Variants in DNAJC1 observed in about 807,000 individuals in gnomAD.
The protein encoded by DNAJC1 is dnaJ homolog subfamily C member 1.
Under a neutral mutation model 76.6 loss-of-function variants are expected in DNAJC1, and 58 were observed. The ratio of observed to expected loss-of-function variants is 0.76; its 90% CI spans 0.61 to 0.94. The LOEUF is 0.94. DNAJC1 is among the 40% of genes least tolerant of loss of function. The pLI, the probability that DNAJC1 is intolerant of heterozygous loss-of-function variation, is 0.00. For synonymous variants in DNAJC1, 258 were observed against 267.9 expected (o/e 0.96, Z 0.36); for missense variants, 689 against 677.3 (o/e 1.02, Z -0.19).
At chr10:21,771,065 T>A (rs1367123993) in intron 9 of DNAJC1, among the ~76,000 whole-genome samples, 1 of 152,202 alleles carries the variant, frequency 6.6e-6, no homozygotes, top group Non-Finnish European at 1.5e-5. Context: ...GATGCAATTA[T>A]GAATGTCATT....
At chr10:21,775,234 A>G (rs1834438995) in intron 9 of DNAJC1, among the ~76,000 whole-genome samples, 1 of 151,862 alleles carries the variant, frequency 6.6e-6, no homozygotes, top group African/African-American at 2.4e-5. Context: ...CGATTTTCCA[A>G]TTCTGTGTGG....
Position 22,003,549 on chromosome 10 carries a change from C to A in DNAJC1, c.-115G>T. On this transcript the variant is annotated 5_prime_UTR_variant, in exon 1 of 12. Coordinates refer to ENST00000376980, the MANE Select transcript of DNAJC1 (RefSeq NM_022365.4). ...CCTGTCAGTGAAAAGCGCGGGCAGG[C>A]GCACCGGAGCGGCCCGCCAGGTGGC... is the stretch of plus-strand genomic sequence containing the variant. The A allele has an allele frequency of 1.7e-6, 2 of 1,210,612 alleles. No individual in the cohort carries two copies. Among genetic ancestry groups the A allele is most frequent in the South Asian group, 3.0e-5 (1 of 33,086 alleles). The allele number at this position is 1,210,612 out of a possible 1,614,324, so 75.0% of individuals were successfully genotyped here. A position where few individuals can be genotyped will look rare whatever the true frequency, so the allele number is the denominator to read the frequency against.
intron 6 of DNAJC1, among the ~76,000 whole-genome samples, chr10:21,911,464 AAG>A (rs1260463055): frequency 1.3e-5 from 2 of 152,178 alleles, no homozygotes; most frequent in East Asian, 1.9e-4. Context: ...ACATTTTGAT[AAG>A]AGTCAAAATT....
intron 8 of DNAJC1, among the ~76,000 whole-genome samples, chr10:21,872,201 G>A (rs1836116075): frequency 6.6e-6 from 1 of 150,852 alleles, no homozygotes; most frequent in African/African-American, 2.5e-5. Context: ...AAGCTCTCAA[G>A]TAGCTGGGAT....
At chr10:21,931,456 G>A (rs1380018898) in intron 1 of DNAJC1, among the ~76,000 whole-genome samples, 1 of 152,148 alleles carries the variant, frequency 6.6e-6, no homozygotes, top group Non-Finnish European at 1.5e-5. Context: ...TAGATAAGTT[G>A]TACTTCAAAC....
At chr10:21,820,911 C>A (rs964874169) in intron 8 of DNAJC1, among the ~76,000 whole-genome samples, 1 of 152,206 alleles carries the variant, frequency 6.6e-6, no homozygotes, top group African/African-American at 2.4e-5. Context: ...GGGCACGCCA[C>A]CCTCCAGGAA....
chr10:21,914,539 T>TTAAC (rs1385192153), intron 6 of DNAJC1, among the ~76,000 whole-genome samples: 26 of 152,322 alleles, frequency 1.7e-4, no homozygotes, highest in African/African-American at 6.0e-4. Flanking sequence ...GTCTTATCAG[T>TTAAC]TAACTTTATT....
At chr10:21,825,257 T>G (rs1237703317) in intron 8 of DNAJC1, among the ~76,000 whole-genome samples, 1 of 152,240 alleles carries the variant, frequency 6.6e-6, no homozygotes, top group African/African-American at 2.4e-5. Flanking sequence ...ATATTTGCAT[T>G]GTGTCTCTAC....
At position 21,954,167 on chromosome 10, in the gene DNAJC1, G is replaced by A. The variant is rs189751301; in HGVS notation, c.223-25026C>T. Among the ~76,000 whole-genome samples the A allele has an allele frequency of 9.5e-4, 144 of 152,018 alleles. No individual in the cohort carries two copies. The Middle Eastern group carries it at 0.01, about 11-fold the overall frequency. ...CGATGAGAAACACAAATACTTACTC[G>A]GGATTAATGAATTTTACAGTACACT... On this transcript the variant is annotated intron_variant, in intron 1 of 11. Transcript: ENST00000376980.
Position 21,968,408 on chromosome 10 carries a change from T to C in DNAJC1, c.222+34805A>G, listed in dbSNP as rs184330391. Among the ~76,000 whole-genome samples, 589 of 152,310 alleles carry C rather than the reference T, an allele frequency of 3.9e-3. 1 individual carries two copies. The highest frequency in any genetic ancestry group is 5.9e-3 in the Admixed American group (90 of 15,300). ...CCTTATGTTACCCAAGATCGTAAAA[T>C]TGGTATTACGGCAACCCAACTTTGA... On this transcript the variant is annotated intron_variant, in intron 1 of 11. Transcript: ENST00000376980.
chr10:21,769,803 C>G (rs1486127050), intron 9 of DNAJC1, among the ~76,000 whole-genome samples: 1 of 152,158 alleles, frequency 6.6e-6, no homozygotes, highest in Non-Finnish European at 1.5e-5. Context: ...TCTCCTGCCT[C>G]AGCCTCCTGA....
intron 9 of DNAJC1, among the ~76,000 whole-genome samples, chr10:21,788,931 G>C (rs889246408): frequency 1.3e-5 from 2 of 152,104 alleles, no homozygotes; most frequent in East Asian, 1.9e-4. Flanking sequence ...CCAGCACTAA[G>C]AGCAACCTAC....
chr10:21,975,315 CAATAAATA>C (rs944741041), intron 1 of DNAJC1, among the ~76,000 whole-genome samples: 3 of 151,098 alleles, frequency 2.0e-5, no homozygotes, highest in African/African-American at 7.3e-5. Context: ...AAATAAGCTG[CAATAAATA>C]AATAAATAAA....
At chr10:21,777,392 G>C (rs1834465728) in intron 9 of DNAJC1, among the ~76,000 whole-genome samples, 1 of 152,146 alleles carries the variant, frequency 6.6e-6, no homozygotes, top group South Asian at 2.1e-4. Flanking sequence ...CACTAAAGAA[G>C]ATGAAAAAGT....
intron 6 of DNAJC1, among the ~76,000 whole-genome samples, chr10:21,907,505 A>C (rs1399890757): frequency 6.6e-6 from 1 of 152,168 alleles, no homozygotes; most frequent in Non-Finnish European, 1.5e-5. Context: ...GAAAGACTTT[A>C]AAAGGAAAGT....
At chr10:21,998,114 G>A (rs1429228209) in intron 1 of DNAJC1, among the ~76,000 whole-genome samples, 2 of 152,042 alleles carry the variant, frequency 1.3e-5, no homozygotes. Flanking sequence ...ATAGAGGCTG[G>A]GCGCAGTGGT....
At chr10:21,763,059 T>A (rs2131616948) in intron 10 of DNAJC1, among the ~76,000 whole-genome samples, 1 of 152,206 alleles carries the variant, frequency 6.6e-6, no homozygotes, top group Admixed American at 6.5e-5. Flanking sequence ...GCTTCCCGAG[T>A]AGCTGAGACC....
At chr10:21,861,493 G>A (rs1835916014) in intron 8 of DNAJC1, among the ~76,000 whole-genome samples, 2 of 152,146 alleles carry the variant, frequency 1.3e-5, no homozygotes, top group Non-Finnish European at 2.9e-5. Context: ...ACTCCATCTT[G>A]AGTAGGGGCT....
intron 8 of DNAJC1, among the ~76,000 whole-genome samples, chr10:21,856,323 G>C (rs1835831960): frequency 6.6e-6 from 1 of 152,040 alleles, no homozygotes; most frequent in African/African-American, 2.4e-5. Flanking sequence ...AAGTAATAAT[G>C]ACTCAAAATT....
Sources: allele counts gnomAD v4.1 joint callset (sites outside exome capture counted in the v4.1 genomes callset), GRCh38; gene constraint gnomAD v4.1.1; transcripts MANE v1.5; gene names NCBI Gene and HGNC (gene_info 2026-07-23, HGNC 2026-07-21).